The following ARHGAP15 variants were observed in gnomAD, a reference collection of about 807,000 sequenced individuals.
ARHGAP15 encodes the protein rho GTPase-activating protein 15.
A neutral mutation model predicts 63.7 loss-of-function variants in ARHGAP15; 51 were observed. The observed-to-expected ratio is 0.80, with a 90% CI of 0.64 to 1.01. The LOEUF is 1.01. ARHGAP15 is among the 50% of genes least tolerant of loss of function. The pLI is 0.00. For synonymous variants in ARHGAP15, 191 were observed against 193.8 expected, an observed-to-expected ratio of 0.99 and a Z score of 0.12; for missense variants, 560 against 564.6, an observed-to-expected ratio of 0.99 and a Z score of 0.08.
chr2:143,242,828 T>C (rs1373260849), intron 5 of ARHGAP15, among the ~76,000 whole-genome samples: 1 of 152,208 alleles, frequency 6.6e-6, no homozygotes, highest in Non-Finnish European at 1.5e-5. Context: ...AATGAGAATA[T>C]ATAAATGAGT....
intron 13 of ARHGAP15, among the ~76,000 whole-genome samples, chr2:143,725,914 TGAATA>T (rs1685251762): frequency 6.6e-6 from 1 of 152,212 alleles, no homozygotes; most frequent in African/African-American, 2.4e-5. Context: ...GCAGATAACC[TGAATA>T]TCTATACAAA....
chr2:143,638,506 TGG>T (rs1680441472), intron 12 of ARHGAP15, among the ~76,000 whole-genome samples: 1 of 49,914 alleles, frequency 2.0e-5, no homozygotes, highest in South Asian at 7.8e-4. Flanking sequence ...TGTGGTGGGG[TGG>T]GGGGAGGGGG....
intron 11 of ARHGAP15, among the ~76,000 whole-genome samples, chr2:143,623,082 T>A (rs1454822205): frequency 6.6e-6 from 1 of 152,184 alleles, no homozygotes; most frequent in Admixed American, 6.5e-5. Flanking sequence ...AAATGATTAG[T>A]TTAAGGTTTC....
At chr2:143,450,102 CTT>C (rs200169659) in intron 8 of ARHGAP15, among the ~76,000 whole-genome samples, 13 of 110,714 alleles carry the variant, frequency 1.2e-4, no homozygotes, top group African/African-American at 3.5e-4. Context: ...CATAATTAAT[CTT>C]TTTTTTTTTT....
chr2:143,705,522 A>G (rs1447164724), intron 13 of ARHGAP15, among the ~76,000 whole-genome samples: 1 of 152,210 alleles, frequency 6.6e-6, no homozygotes, highest in Non-Finnish European at 1.5e-5. Context: ...CAAGGTAAGC[A>G]TTCCTCAAAT....
rs534104078 is a variant in ARHGAP15 at position 143,640,442 on chromosome 2, A to G, written c.1138+16175A>G. On this transcript the variant is annotated intron_variant, in intron 12 of 13. Transcript: ENST00000295095. ...TTCTGAGCTCTGTTATACAGCTACT[A>G]CCAGAGGACTAGGTGGACTCTAGTA... Among the ~76,000 whole-genome samples the G allele has an allele frequency of 1.2e-3, 177 of 152,184 alleles. 1 individual carries two copies. The highest frequency in any genetic ancestry group is 3.4e-3 in the African/African-American group (143 of 41,556).
rs202115707 is a variant in ARHGAP15 at position 143,467,242 on chromosome 2, CTTTTTTT to C, written c.704-20114_704-20108del. ...TCATGCTATTCAATTACTCCATGGC[CTTTTTTT>C]TTTTTTTTTTTTTTTTGCAGTCTTT... is the stretch of plus-strand genomic sequence containing the variant. On this transcript the variant is annotated intron_variant, in intron 8 of 13. Coordinates refer to ENST00000295095, the MANE Select transcript of ARHGAP15 (RefSeq NM_018460.4). Among the ~76,000 whole-genome samples the C allele has an allele frequency of 3.3e-4, 19 of 57,916 alleles. 1 individual carries two copies. Among genetic ancestry groups the C allele is most frequent in the African/African-American group, 1.4e-3 (18 of 13,260 alleles). The allele number at this position is 57,916 out of a possible 152,430, so 38.0% of individuals were successfully genotyped here. A position where few individuals can be genotyped will look rare whatever the true frequency, so the allele number is the denominator to read the frequency against.
intron 12 of ARHGAP15, among the ~76,000 whole-genome samples, chr2:143,635,548 T>C (rs1680269465): frequency 6.6e-6 from 1 of 152,156 alleles, no homozygotes; most frequent in Non-Finnish European, 1.5e-5. Flanking sequence ...CTTTTCTTGA[T>C]CTGGCTCATT....
At chr2:143,297,571 A>G (rs1484225713) in intron 6 of ARHGAP15, among the ~76,000 whole-genome samples, 1 of 151,962 alleles carries the variant, frequency 6.6e-6, no homozygotes, top group Non-Finnish European at 1.5e-5. Flanking sequence ...TTTTCAGGTG[A>G]CACTGGTGAT....
chr2:143,148,793 A>G (rs1180104834), intron 1 of ARHGAP15, among the ~76,000 whole-genome samples: 1 of 151,922 alleles, frequency 6.6e-6, no homozygotes, highest in Non-Finnish European at 1.5e-5. Flanking sequence ...GTTTTATTGC[A>G]CTCTCTCAGC....
At chr2:143,275,437 GGT>G (rs1681499932) in intron 6 of ARHGAP15, among the ~76,000 whole-genome samples, 1 of 152,158 alleles carries the variant, frequency 6.6e-6, no homozygotes, top group Admixed American at 6.5e-5. Flanking sequence ...GCTTGGTGGT[GGT>G]GAGTTGCAGT....
intron 7 of ARHGAP15, 34 bp from the exon 8 acceptor site, chr2:143,436,879 A>G (rs1383663878): frequency 6.3e-7 from 1 of 1,585,636 alleles, no homozygotes; most frequent in Non-Finnish European, 8.5e-7. Context: ...TCTTTCTAGT[A>G]AAATTATTCA....
chr2:143,132,297 T>C (rs1048737023), intron 1 of ARHGAP15, among the ~76,000 whole-genome samples: 1 of 152,240 alleles, frequency 6.6e-6, no homozygotes, highest in Non-Finnish European at 1.5e-5. Flanking sequence ...TATTCTTTTA[T>C]GTGTGAAAAG....
At chr2:143,307,633 G>A (rs1195957154) in intron 6 of ARHGAP15, among the ~76,000 whole-genome samples, 1 of 151,994 alleles carries the variant, frequency 6.6e-6, no homozygotes, top group African/African-American at 2.4e-5. Context: ...TATTTTCAGT[G>A]TGAAAAGAGA....
chr2:143,165,975 A>AAAG, intron 2 of ARHGAP15, among the ~76,000 whole-genome samples: 1 of 135,034 alleles, frequency 7.4e-6, no homozygotes, highest in Non-Finnish European at 1.6e-5. Flanking sequence ...AGAAAGAAAG[A>AAAG]AAGAAAGAAA....
chr2:143,315,784 T>C (rs1342950901), intron 6 of ARHGAP15, among the ~76,000 whole-genome samples: 8 of 152,174 alleles, frequency 5.3e-5, no homozygotes, highest in African/African-American at 1.4e-4. Flanking sequence ...GAAATAAATA[T>C]ATATTAAATA....
At chr2:143,411,849 T>A (rs1207651647) in intron 6 of ARHGAP15, among the ~76,000 whole-genome samples, 6 of 152,214 alleles carry the variant, frequency 3.9e-5, no homozygotes, top group East Asian at 3.8e-4. Context: ...TATACTCTCT[T>A]ACCTTTTATA....
chr2:143,285,751 G>A (rs575548201), intron 6 of ARHGAP15, among the ~76,000 whole-genome samples: 6 of 150,852 alleles, frequency 4.0e-5, no homozygotes, highest in Admixed American at 2.6e-4. Context: ...ACTATATTTA[G>A]AGTGAGATCT....
At chr2:143,486,189 G>A (rs1264770606) in intron 8 of ARHGAP15, among the ~76,000 whole-genome samples, 1 of 152,068 alleles carries the variant, frequency 6.6e-6, no homozygotes, top group African/African-American at 2.4e-5. Flanking sequence ...CTCTCATTAT[G>A]TCAACAATTG....
Sources: allele counts gnomAD v4.1 joint callset (sites outside exome capture counted in the v4.1 genomes callset), GRCh38; gene constraint gnomAD v4.1.1; transcripts MANE v1.5; gene names NCBI Gene and HGNC (gene_info 2026-07-23, HGNC 2026-07-21).